CDC25A: variants seen among roughly 807,000 people sequenced by gnomAD.
CDC25A encodes the protein M-phase inducer phosphatase 1.
In CDC25A, 17 loss-of-function variants were observed where a neutral mutation model predicts 64.6. The ratio of observed to expected loss-of-function variants is 0.26; its 90% confidence interval spans 0.18 to 0.39. The LOEUF (loss-of-function observed/expected upper bound fraction) is 0.39. Ranked by LOEUF, CDC25A falls within the 10% of genes least tolerant of loss-of-function variation. The pLI is 1.00. For missense variants in CDC25A, 473 were observed against 654.8 expected, an observed-to-expected ratio of 0.72 and a Z score of 3.03; for synonymous variants, 229 against 238.6, an observed-to-expected ratio of 0.96 and a Z score of 0.37.
intron 10 of CDC25A, 119 bp from the exon 11 acceptor site, chr3:48,166,012 C>T (rs570691330): frequency 3.3e-5 from 24 of 722,466 alleles, no homozygotes; most frequent in Non-Finnish European, 4.3e-5. Context: ...TGGCCAGGCA[C>T]GGTGGCTCAC....
chr3:48,186,112 G>C (rs905365135), intron 2 of CDC25A, among the ~76,000 whole-genome samples: 3 of 152,174 alleles, frequency 2.0e-5, no homozygotes, highest in African/African-American at 7.2e-5. Context: ...ATTTGATCCT[G>C]TATTTTAACC....
intron 13 of CDC25A, among the ~76,000 whole-genome samples, chr3:48,163,278 C>T (rs13099560): frequency 0.65 from 86,101 of 132,660 alleles, 27,254 homozygotes; most frequent in East Asian, 0.73. Flanking sequence ...AGTGTGCCTC[C>T]GCCTCAAAAA....
rs966017584 is a variant in CDC25A at position 48,180,588 on chromosome 3, A to C, written c.549+133T>G. ...AGCAAAACCACCAAGAATGCTTGAC[A>C]GTCTAATTTCAAAAGACAAAGTCAA... On this transcript the variant is annotated intron_variant, in intron 6 of 14. Transcript: ENST00000302506. The C allele has an allele frequency of 1.0e-5, 9 of 888,386 alleles. No homozygotes were observed. The African/African-American group carries it at 1.3e-4, about 13-fold the overall frequency. 55.0% of individuals were successfully genotyped at this position (888,386 alleles called of 1,614,324 possible). A position where few individuals can be genotyped will look rare whatever the true frequency, so the allele number is the denominator to read the frequency against.
rs1388095778 is a variant in CDC25A, at chr3:48,188,068, A to C, written c.-121T>G. On this transcript the variant is annotated 5_prime_UTR_variant, in exon 1 of 15. Coordinates refer to ENST00000302506, the MANE Select transcript of CDC25A (RefSeq NM_001789.3). ...CGGCGCCCGCGGGTCAAACACAAAC[A>C]CGACTCCGCGGTTCAGGGACGCGGC... 1.8e-4 allele frequency: 132 copies of C among 721,518 alleles called. No homozygotes were observed. Among genetic ancestry groups the C allele is most frequent in the Non-Finnish European group, 2.3e-4 (120 of 524,266 alleles). The allele number at this position is 721,518 out of a possible 1,614,324, so 44.7% of individuals were successfully genotyped here.
chr3:48,163,390 A>C (rs1169851920), intron 13 of CDC25A, among the ~76,000 whole-genome samples: 1 of 152,204 alleles, frequency 6.6e-6, no homozygotes, highest in East Asian at 1.9e-4. Flanking sequence ...GGATCACCTA[A>C]GGTCGGGAGT....
intron 13 of CDC25A, among the ~76,000 whole-genome samples, chr3:48,163,780 C>T (rs1351401870): frequency 2.6e-5 from 4 of 152,176 alleles, no homozygotes; most frequent in African/African-American, 9.7e-5. Flanking sequence ...CGGATCCCCA[C>T]TTGGATCTCT....
intron 6 of CDC25A, among the ~76,000 whole-genome samples, 179 bp downstream of exon 6, chr3:48,180,542 G>A (rs1359169655): frequency 1.3e-5 from 2 of 151,600 alleles, no homozygotes; most frequent in Non-Finnish European, 2.9e-5. Flanking sequence ...TCTTACTACC[G>A]CCTGTCTGTT....
chr3:48,169,825 T>C (rs1345214885), intron 9 of CDC25A, among the ~76,000 whole-genome samples: 1 of 151,832 alleles, frequency 6.6e-6, no homozygotes, highest in Non-Finnish European at 1.5e-5. Context: ...CTTGCCAACA[T>C]GGTGAAACCC....
At chr3:48,160,312 T>C (rs2031696713) in intron 13 of CDC25A, among the ~76,000 whole-genome samples, 1 of 152,034 alleles carries the variant, frequency 6.6e-6, no homozygotes. Context: ...GGCTTCACCA[T>C]GTTGGCCAGG....
rs55938075 is a variant in CDC25A at position 48,176,531 on chromosome 3, G to GTATATA, written c.756+834_756+839dup. Among the ~76,000 whole-genome samples the GTATATA allele has an allele frequency of 7.9e-3, 1,085 of 138,054 alleles. 8 individuals are homozygous for GTATATA. Among genetic ancestry groups the GTATATA allele is most frequent in the Middle Eastern group, 0.026 (7 of 270 alleles). The allele number at this position is 138,054 out of a possible 152,430, so 90.6% of individuals were successfully genotyped here. The stretch of plus-strand genomic sequence containing the variant: ...CTATACTGTGTATGTGTGTGTGTGA[G>GTATATA]TATATATATATATATATATATATAT... On this transcript the variant is annotated intron_variant, in intron 8 of 14. Transcript: ENST00000302506.
chr3:48,163,561 G>A (rs1263707287), intron 13 of CDC25A, among the ~76,000 whole-genome samples: 2 of 151,928 alleles, frequency 1.3e-5, no homozygotes, highest in East Asian at 3.8e-4. Context: ...AAGAGATTGT[G>A]CCACTGCACT....
intron 13 of CDC25A, among the ~76,000 whole-genome samples, chr3:48,160,924 G>A (rs1262564142): frequency 1.3e-5 from 2 of 151,492 alleles, no homozygotes; most frequent in Non-Finnish European, 2.9e-5. Context: ...GGAGGCTGAG[G>A]CGGTGGATCA....
chr3:48,163,056 T>G (rs1297526449), intron 13 of CDC25A, among the ~76,000 whole-genome samples: 1 of 151,104 alleles, frequency 6.6e-6, no homozygotes, highest in African/African-American at 2.4e-5. Context: ...TCAAGGCGGG[T>G]GGATCACCTG....
At chr3:48,159,559 T>A in intron 13 of CDC25A, 104 bp from the exon 14 acceptor site, 2 of 715,006 alleles carry the variant, frequency 2.8e-6, no homozygotes, top group Non-Finnish European at 5.0e-6. Context: ...CTTATACACA[T>A]CTTCCCAACT....
At chr3:48,183,733 A>G in intron 4 of CDC25A, 67 bp downstream of exon 4, 1 of 980,674 alleles carries the variant, frequency 1.0e-6, no homozygotes, top group Non-Finnish European at 1.6e-6. Flanking sequence ...TCTCCTATCA[A>G]GGTCATGCTG....
intron 5 of CDC25A, among the ~76,000 whole-genome samples, chr3:48,181,081 C>G (rs547043022): frequency 4.6e-5 from 7 of 152,248 alleles, no homozygotes; most frequent in Admixed American, 1.3e-4. Flanking sequence ...GCCAAATATA[C>G]AAAACACGAT....
intron 9 of CDC25A, among the ~76,000 whole-genome samples, chr3:48,169,881 C>T (rs959513380): frequency 1.3e-5 from 2 of 151,774 alleles, no homozygotes; most frequent in Non-Finnish European, 2.9e-5. Flanking sequence ...TGGTGGTGGG[C>T]GCCTGTAGTC....
chr3:48,182,602 G>A (rs986108758), intron 5 of CDC25A, among the ~76,000 whole-genome samples: 1 of 152,194 alleles, frequency 6.6e-6, no homozygotes, highest in Non-Finnish European at 1.5e-5. Flanking sequence ...ATTTGTACAT[G>A]TAATTACTCC....
Position 48,183,019 on chromosome 3 carries a change from C to T in CDC25A, c.339G>A (p.Leu113=). The T allele has an allele frequency of 6.2e-7, 1 of 1,608,246 alleles. No individual in the cohort carries two copies. Among genetic ancestry groups the T allele is most frequent in the Non-Finnish European group, 8.5e-7 (1 of 1,174,780 alleles). ...TCCTCTTCAGAGCTGGACTACATCC[C>T]AACAGCTTCTGCTATCAAAGTAAAA... ...RRIHSLPQKL[L]GCSPALKRSH... The change falls in exon 5 of 15, where the codon TTG becomes TTA. Residue 113 remains leucine (L), a synonymous_variant. Transcript: ENST00000302506.
Sources: allele counts gnomAD v4.1 joint callset (sites outside exome capture counted in the v4.1 genomes callset), GRCh38; gene constraint gnomAD v4.1.1; transcripts MANE v1.5; gene names NCBI Gene and HGNC (gene_info 2026-07-23, HGNC 2026-07-21).